THAP6: variants seen among roughly 807,000 people sequenced by gnomAD.
The protein encoded by THAP6 is THAP domain containing 6, also known as THAP domain-containing protein 6.
In THAP6, 13 loss-of-function variants were observed where a neutral mutation model predicts 20.0. That is an observed-to-expected ratio of 0.65 (90% CI 0.42 to 1.03). The LOEUF (loss-of-function observed/expected upper bound fraction) is 1.03, where lower values mean the gene tolerates loss of function less well. THAP6 is among the 50% of genes least tolerant of loss of function. The pLI is 0.00. For missense variants in THAP6, 262 were observed against 261.6 expected (o/e 1.00, Z -0.01); for synonymous variants, 93 against 92.2 (o/e 1.01, Z -0.05).
At chr4:75,539,173 A>C (rs1397679663) in intron 2 of THAP6, among the ~76,000 whole-genome samples, 1 of 152,224 alleles carries the variant, frequency 6.6e-6, no homozygotes, top group Admixed American at 6.5e-5. Flanking sequence ...TCTTGAATTC[A>C]GCCTAATGCC....
chr4:75,546,973 G>A (rs1228947255), intron 3 of THAP6, among the ~76,000 whole-genome samples: 2 of 152,214 alleles, frequency 1.3e-5, no homozygotes, highest in Non-Finnish European at 2.9e-5. Flanking sequence ...AATCATTGCA[G>A]GGTGTGAGCA....
At chr4:75,518,986 A>G (rs950510169) in intron 3 of THAP6, among the ~76,000 whole-genome samples, 2 of 152,180 alleles carry the variant, frequency 1.3e-5, no homozygotes, top group African/African-American at 4.8e-5. Flanking sequence ...AGTTTTCACA[A>G]AGTGGGTACA....
At chr4:75,537,536 A>G (rs777337887) in intron 2 of THAP6, among the ~76,000 whole-genome samples, 11 of 152,052 alleles carry the variant, frequency 7.2e-5, no homozygotes, top group Non-Finnish European at 1.3e-4. Context: ...GCATTCTGCC[A>G]TGATTGTGAG....
chr4:75,515,206 A>G (rs534070445), intron 1 of THAP6, among the ~76,000 whole-genome samples: 1 of 152,340 alleles, frequency 6.6e-6, no homozygotes, highest in East Asian at 1.9e-4. Context: ...AAAATGTACA[A>G]GCCAACAAAA....
At chr4:75,539,919 A>G in intron 2 of THAP6, 1 of 1,536,114 alleles carries the variant, frequency 6.5e-7, no homozygotes, top group Non-Finnish European at 8.7e-7. Context: ...AGAGAAATGC[A>G]TTTCATAGGG....
exon 3 of THAP6, chr4:75,542,422 A>T (rs1578284451): frequency 1.4e-6 from 1 of 702,258 alleles, no homozygotes; most frequent in East Asian, 2.7e-5. Context: ...TCCATGTTCA[A>T]GAGGAAATGT....
chr4:75,540,246 A>G (rs1428941334), intron 2 of THAP6, among the ~76,000 whole-genome samples: 3 of 152,208 alleles, frequency 2.0e-5, no homozygotes, highest in Non-Finnish European at 4.4e-5. Flanking sequence ...CACAAAGCAC[A>G]CCATTTAGCT....
intron 3 of THAP6, chr4:75,517,269 G>T: frequency 4.1e-6 from 1 of 244,778 alleles, no homozygotes; most frequent in Non-Finnish European, 8.0e-6. Context: ...ACCCTCCTCG[G>T]CGTCCCAAAG....
intron 3 of THAP6, among the ~76,000 whole-genome samples, chr4:75,520,014 T>C (rs528229390): frequency 0.014 from 2,125 of 149,054 alleles, 36 homozygotes; most frequent in African/African-American, 0.049. Context: ...TTTTAATGAT[T>C]GCCATTCTAA....
At position 75,528,650 on chromosome 4, in the gene THAP6, T is replaced by C. The variant is rs1362956931; in HGVS notation, c.*1436T>C. 3.0e-6 allele frequency: 3 copies of C among 984,984 alleles called. No individual in the cohort carries two copies. The highest frequency in any genetic ancestry group is 2.4e-6 in the Non-Finnish European group (2 of 829,786). The allele number at this position is 984,984 out of a possible 1,614,324, so 61.0% of individuals were successfully genotyped here. ...TTTATGTAGGATTCCAAACCTTCCC[T>C]CTAAATGGGATTTAACCCACATCTG... On this transcript the variant is annotated 3_prime_UTR_variant, in exon 5 of 5. Coordinates refer to ENST00000311638, the MANE Select transcript of THAP6 (RefSeq NM_144721.6).
intron 4 of THAP6, among the ~76,000 whole-genome samples, chr4:75,522,992 T>TA (rs1353493335): frequency 3.3e-5 from 5 of 152,334 alleles, no homozygotes; most frequent in African/African-American, 1.2e-4. Flanking sequence ...TGCTGGATCA[T>TA]ACAGTAGCTC....
intron 3 of THAP6, among the ~76,000 whole-genome samples, chr4:75,521,277 A>G (rs959361235): frequency 6.6e-6 from 1 of 151,942 alleles, no homozygotes; most frequent in Non-Finnish European, 1.5e-5. Context: ...TTTACATAAA[A>G]TTTCAGTACA....
intron 2 of THAP6, among the ~76,000 whole-genome samples, chr4:75,538,937 C>T (rs955724039): frequency 6.6e-6 from 1 of 152,362 alleles, no homozygotes; most frequent in East Asian, 1.9e-4. Flanking sequence ...ATGATGAGCA[C>T]TAGTCACAGC....
intron 3 of THAP6, among the ~76,000 whole-genome samples, chr4:75,518,818 T>G (rs984788630): frequency 6.6e-6 from 1 of 152,208 alleles, no homozygotes; most frequent in Non-Finnish European, 1.5e-5. Context: ...TAAATTGGAG[T>G]GTACTTTCTA....
intron 3 of THAP6, among the ~76,000 whole-genome samples, chr4:75,520,991 G>A (rs1725987714): frequency 6.6e-6 from 1 of 151,886 alleles, no homozygotes; most frequent in Admixed American, 6.6e-5. Flanking sequence ...ATGCTGTTTT[G>A]TAAAAACACT....
chr4:75,515,566 G>A, intron 2 of THAP6, 34 bp downstream of exon 2: 1 of 1,598,752 alleles, frequency 6.3e-7, no homozygotes, highest in Non-Finnish European at 8.6e-7. Context: ...CAAATACTTT[G>A]GCCATGTTAT....
intron 4 of THAP6, among the ~76,000 whole-genome samples, chr4:75,526,725 A>C (rs1362695961): frequency 6.6e-6 from 1 of 152,222 alleles, no homozygotes; most frequent in Non-Finnish European, 1.5e-5. Context: ...AGTGCTTCCC[A>C]TCCATAATAT....
rs1489233196 is a variant in THAP6 at position 75,528,692 on chromosome 4, C to G, written c.*1478C>G. The G allele has an allele frequency of 1.1e-5, 11 of 983,644 alleles. No individual in the cohort carries two copies. Among genetic ancestry groups the G allele is most frequent in the Non-Finnish European group, 1.3e-5 (11 of 829,494 alleles). 60.9% of individuals were successfully genotyped at this position (983,644 alleles called of 1,614,324 possible). A position where few individuals can be genotyped will look rare whatever the true frequency, so the allele number is the denominator to read the frequency against. ...CCACATCTGCGAGATCAGCGTTATG[C>G]TAAGAGGAAATCACTGAGGCCATAT... On this transcript the variant is annotated 3_prime_UTR_variant, in exon 5 of 5. Transcript: ENST00000311638.
downstream of THAP6, among the ~76,000 whole-genome samples, chr4:75,531,339 C>T (rs545481818): frequency 6.6e-6 from 1 of 152,314 alleles, no homozygotes; most frequent in African/African-American, 2.4e-5. Flanking sequence ...TAAATGTGTC[C>T]TGTGTGATTA....
Sources: allele counts gnomAD v4.1 joint callset (sites outside exome capture counted in the v4.1 genomes callset), GRCh38; gene constraint gnomAD v4.1.1; transcripts MANE v1.5; gene names NCBI Gene and HGNC (gene_info 2026-07-23, HGNC 2026-07-21).